Variants in UNC5D observed in about 807,000 individuals in gnomAD.
UNC5D encodes unc-5 netrin receptor D, also known as netrin receptor UNC5D.
Under a neutral mutation model 105.4 loss-of-function variants are expected in UNC5D, and 39 were observed. The ratio of observed to expected loss-of-function variants is 0.37; its 90% CI spans 0.29 to 0.48. UNC5D has a LOEUF of 0.48. UNC5D is among the 20% of genes least tolerant of loss of function. The pLI is 0.98. For synonymous variants in UNC5D, 452 were observed against 450.4 expected (o/e 1.00, Z -0.04); for missense variants, 991 against 1,202.4 (o/e 0.82, Z 2.60).
intron 13 of UNC5D, among the ~76,000 whole-genome samples, chr8:35,757,257 A>AAAT (rs1242412925): frequency 1.1e-4 from 17 of 152,110 alleles, no homozygotes; most frequent in African/African-American, 4.1e-4. Context: ...CATTACTCAA[A>AAAT]AATAAAATAC....
At chr8:35,257,682 T>C (rs1804181144) in intron 1 of UNC5D, among the ~76,000 whole-genome samples, 1 of 152,182 alleles carries the variant, frequency 6.6e-6, no homozygotes. Flanking sequence ...CCTGCATTTC[T>C]AACTGAGCTT....
intron 1 of UNC5D, among the ~76,000 whole-genome samples, chr8:35,437,410 A>G (rs554667618): frequency 6.6e-6 from 1 of 152,198 alleles, no homozygotes; most frequent in South Asian, 2.1e-4. Flanking sequence ...AATGGTCAGC[A>G]AAGTTCTTTT....
At chr8:35,467,641 A>G (rs1049610142) in intron 1 of UNC5D, among the ~76,000 whole-genome samples, 24 of 151,824 alleles carry the variant, frequency 1.6e-4, no homozygotes, top group African/African-American at 5.8e-4. Context: ...CTGTCTCCAA[A>G]TATTTAAAGA....
At chr8:35,731,562 A>ACTGG (rs1829200624) in intron 11 of UNC5D, among the ~76,000 whole-genome samples, 1 of 152,138 alleles carries the variant, frequency 6.6e-6, no homozygotes, top group South Asian at 2.1e-4. Flanking sequence ...TTGCAAAACT[A>ACTGG]CTGGCTGAAA....
intron 1 of UNC5D, among the ~76,000 whole-genome samples, chr8:35,273,694 T>C (rs909496380): frequency 6.6e-6 from 1 of 152,228 alleles, no homozygotes; most frequent in Non-Finnish European, 1.5e-5. Context: ...TTTAGTCTCA[T>C]ATCATAACCA....
chr8:35,671,663 CA>C (rs1431583691), intron 4 of UNC5D, among the ~76,000 whole-genome samples: 1 of 152,066 alleles, frequency 6.6e-6, no homozygotes, highest in Non-Finnish European at 1.5e-5. Flanking sequence ...GGTTGTTTTG[CA>C]GTTGTTTTAT....
At chr8:35,757,144 G>A (rs1830554219) in intron 13 of UNC5D, among the ~76,000 whole-genome samples, 1 of 152,134 alleles carries the variant, frequency 6.6e-6, no homozygotes, top group Non-Finnish European at 1.5e-5. Context: ...ACACAGAAAT[G>A]TGATTAGAAT....
chr8:35,332,067 C>T (rs1223131660), intron 1 of UNC5D, among the ~76,000 whole-genome samples: 2 of 152,118 alleles, frequency 1.3e-5, no homozygotes, highest in Admixed American at 6.5e-5. Flanking sequence ...TATAAAGATG[C>T]CTTACATTGA....
intron 13 of UNC5D, 118 bp downstream of exon 13, chr8:35,750,927 T>A: frequency 8.3e-7 from 1 of 1,203,876 alleles, no homozygotes; most frequent in Non-Finnish European, 1.2e-6. Context: ...CACGCCACTG[T>A]AACTGCCCAG....
chr8:35,730,355 C>A (rs536054364), intron 10 of UNC5D, among the ~76,000 whole-genome samples: 1 of 152,340 alleles, frequency 6.6e-6, no homozygotes, highest in African/African-American at 2.4e-5. Flanking sequence ...TTTTTCCAAT[C>A]TGACATTGAC....
chr8:35,259,444 G>A (rs2128819897), intron 1 of UNC5D, among the ~76,000 whole-genome samples: 1 of 152,226 alleles, frequency 6.6e-6, no homozygotes, highest in Non-Finnish European at 1.5e-5. Context: ...AGAAGTAGAC[G>A]CCATGCAGAT....
intron 1 of UNC5D, among the ~76,000 whole-genome samples, chr8:35,271,507 A>G (rs548394081): frequency 1.4e-5 from 2 of 144,266 alleles, no homozygotes; most frequent in South Asian, 4.3e-4. Context: ...AGGTCTACAT[A>G]TGTATACATA....
intron 1 of UNC5D, among the ~76,000 whole-genome samples, chr8:35,444,201 C>G (rs766619097): frequency 1.3e-5 from 2 of 151,982 alleles, no homozygotes; most frequent in Non-Finnish European, 2.9e-5. Context: ...TATTCTGCCC[C>G]ACTGAAGTGT....
At chr8:35,463,459 C>T (rs370675126) in intron 1 of UNC5D, among the ~76,000 whole-genome samples, 29 of 152,238 alleles carry the variant, frequency 1.9e-4, no homozygotes, top group African/African-American at 9.6e-5. Flanking sequence ...TTGCCCCTTC[C>T]GCTCCACTTC....
chr8:35,585,153 A>T (rs1818702625), intron 3 of UNC5D, among the ~76,000 whole-genome samples: 2 of 152,240 alleles, frequency 1.3e-5, no homozygotes, highest in Non-Finnish European at 2.9e-5. Context: ...ACACAGGATA[A>T]TGATACACAG....
chr8:35,391,918 T>G (rs1406767722), intron 1 of UNC5D, among the ~76,000 whole-genome samples: 1 of 152,250 alleles, frequency 6.6e-6, no homozygotes, highest in African/African-American at 2.4e-5. Flanking sequence ...TTGCTTAGTC[T>G]CGTGTTCTTT....
intron 4 of UNC5D, among the ~76,000 whole-genome samples, chr8:35,624,949 A>T (rs1356611276): frequency 1.3e-5 from 2 of 152,192 alleles, no homozygotes; most frequent in Non-Finnish European, 2.9e-5. Context: ...AATTATTATT[A>T]ATCATCCCTT....
intron 11 of UNC5D, among the ~76,000 whole-genome samples, chr8:35,739,962 C>A (rs1335491505): frequency 1.3e-5 from 2 of 152,186 alleles, no homozygotes; most frequent in Non-Finnish European, 2.9e-5. Context: ...ATAACAACCT[C>A]CAGGACTCCA....
At chr8:35,661,880 C>T (rs778927335) in intron 4 of UNC5D, among the ~76,000 whole-genome samples, 1 of 152,124 alleles carries the variant, frequency 6.6e-6, no homozygotes, top group African/African-American at 2.4e-5. Context: ...CTGATGGGCT[C>T]CTCCATCAGT....
Sources: allele counts gnomAD v4.1 joint callset (sites outside exome capture counted in the v4.1 genomes callset), GRCh38; gene constraint gnomAD v4.1.1; transcripts MANE v1.5; gene names NCBI Gene and HGNC (gene_info 2026-07-23, HGNC 2026-07-21).